Variants in MAML2 observed in about 807,000 individuals in gnomAD.
The protein encoded by MAML2 is mastermind-like protein 2.
In MAML2, 22 loss-of-function variants were observed where a neutral mutation model predicts 96.1. That is an observed-to-expected ratio of 0.23 (90% CI 0.16 to 0.33). The LOEUF (loss-of-function observed/expected upper bound fraction) is 0.33. MAML2 is among the 10% of genes least tolerant of loss of function. The probability of loss-of-function intolerance (pLI) is 1.00; values close to 1 mark genes in which losing one functional copy is unlikely to be tolerated. For missense variants in MAML2, 1,367 were observed against 1,392.4 expected (o/e 0.98, Z 0.29); for synonymous variants, 561 against 521.3 (o/e 1.08, Z -1.04).
At chr11:96,124,052 G>C (rs1027488578) in intron 1 of MAML2, among the ~76,000 whole-genome samples, 18 of 132,864 alleles carry the variant, frequency 1.4e-4, no homozygotes, top group African/African-American at 4.6e-4. Flanking sequence ...CCTGGGCAAC[G>C]AGCAACGAGC....
chr11:96,332,014 C>T (rs1268618029), intron 1 of MAML2, among the ~76,000 whole-genome samples: 1 of 152,156 alleles, frequency 6.6e-6, no homozygotes, highest in East Asian at 1.9e-4. Context: ...TGTTTTGCAA[C>T]TCACTCTCTT....
chr11:96,302,242 ACTGACTTT>A (rs1388697969), intron 1 of MAML2, among the ~76,000 whole-genome samples: 1 of 150,014 alleles, frequency 6.7e-6, no homozygotes, highest in African/African-American at 2.5e-5. Flanking sequence ...CTCTATCCAT[ACTGACTTT>A]CTAAGACACA....
At chr11:96,215,532 C>T (rs764662849) in intron 1 of MAML2, among the ~76,000 whole-genome samples, 8 of 152,170 alleles carry the variant, frequency 5.3e-5, no homozygotes, top group Non-Finnish European at 1.2e-4. Flanking sequence ...TTGTTGTCCC[C>T]TCTTTGGGGC....
rs1199924037 is a variant in MAML2, at chr11:96,092,237, CTGCTGCTGCTGCTGTTGCTGCTGT to C, written c.1770_1793del (p.Gln614_Gln621del). 2 of 1,531,152 alleles carry C rather than the reference CTGCTGCTGCTGCTGTTGCTGCTGT, an allele frequency of 1.3e-6. No individual in the cohort carries two copies. The highest frequency in any genetic ancestry group is 2.5e-5 in the East Asian group (1 of 40,744). 94.8% of individuals were successfully genotyped at this position (1,531,152 alleles called of 1,614,324 possible). On this transcript the variant is annotated inframe_deletion, in exon 2 of 5. Coordinates refer to ENST00000524717, the MANE Select transcript of MAML2 (RefSeq NM_032427.4). The surrounding 1 kb of genome is among the most constrained non-coding windows in gnomAD (Gnocchi z 4.1). ...GCTGCTGCTGCTGCTGCTGCTGCTG[CTGCTGCTGCTGCTGTTGCTGCTGT>C]TGCTGTTGGGTGTAGTGTAGGAGAG...
rs771462313 is a variant in MAML2, at chr11:96,341,693, C to A, written c.203G>T (p.Arg68Leu). ...GAGCTGCAAGGTGCTTTCTCTTTCCCGGTCTGAGCTCTCGGCCCTACCTCG... is the reference window on the plus strand; with the variant it reads ...GAGCTGCAAGGTGCTTTCTCTTTCCAGGTCTGAGCTCTCGGCCCTACCTCG... ...YERGRAESSD[R>L]ERESTLQLLS... Residue 68 changes from arginine (R) to leucine (L), a missense_variant, in exon 1 of 5, where the codon CGG becomes CTG. Physicochemically the swap from Arg to Leu is moderately radical, Grantham distance 102. Coordinates refer to ENST00000524717, the MANE Select transcript of MAML2 (RefSeq NM_032427.4). 1 of 1,605,360 alleles carries A rather than the reference C, an allele frequency of 6.2e-7. No individual in the cohort carries two copies. Among genetic ancestry groups the A allele is most frequent in the Non-Finnish European group, 8.5e-7 (1 of 1,175,858 alleles).
chr11:96,137,523 T>C (rs1296042445), intron 1 of MAML2, among the ~76,000 whole-genome samples: 1 of 152,262 alleles, frequency 6.6e-6, no homozygotes, highest in Non-Finnish European at 1.5e-5. Flanking sequence ...ACACATGTAC[T>C]GGGAGCCAGA....
intron 1 of MAML2, among the ~76,000 whole-genome samples, chr11:96,235,607 G>T (rs1341635736): frequency 2.0e-5 from 3 of 152,144 alleles, no homozygotes; most frequent in Non-Finnish European, 4.4e-5. Flanking sequence ...AGGAGGGCTG[G>T]CCCTGGTGAT....
At chr11:96,094,455 A>G (rs1591010039) in intron 1 of MAML2, among the ~76,000 whole-genome samples, 1 of 152,334 alleles carries the variant, frequency 6.6e-6, no homozygotes, top group East Asian at 1.9e-4. Flanking sequence ...TGTTACAGTA[A>G]CAACTCAATA....
intron 1 of MAML2, among the ~76,000 whole-genome samples, chr11:96,137,645 C>A (rs956560343): frequency 1.3e-5 from 2 of 152,144 alleles, no homozygotes; most frequent in Non-Finnish European, 2.9e-5. Flanking sequence ...CATTCAGTCT[C>A]CATTTTAATA....
At chr11:96,311,670 C>T (rs1432075069) in intron 1 of MAML2, among the ~76,000 whole-genome samples, 1 of 152,190 alleles carries the variant, frequency 6.6e-6, no homozygotes, top group African/African-American at 2.4e-5. Flanking sequence ...CCAAGTTATA[C>T]ACAGCTTACT....
intron 1 of MAML2, among the ~76,000 whole-genome samples, chr11:96,274,176 G>A (rs567688227): frequency 1.0e-4 from 15 of 150,560 alleles, no homozygotes; most frequent in Admixed American, 7.9e-4. Flanking sequence ...TCCGCCTCGC[G>A]GGTTCACGCC....
intron 1 of MAML2, among the ~76,000 whole-genome samples, chr11:96,160,232 G>A (rs920556361): frequency 6.6e-6 from 1 of 152,158 alleles, no homozygotes; most frequent in Non-Finnish European, 1.5e-5. Context: ...AAGAGCCCCT[G>A]ATCCTTTATT....
intron 1 of MAML2, among the ~76,000 whole-genome samples, chr11:96,232,545 C>G (rs1025553692): frequency 1.3e-5 from 2 of 152,082 alleles, no homozygotes; most frequent in East Asian, 3.9e-4. Flanking sequence ...TCTCGGCTCA[C>G]TGCAAGCTCC....
At position 96,030,226 on chromosome 11, in the gene MAML2, A is replaced by G. The variant is rs554173244; in HGVS notation, c.2140-38503T>C. 4.0e-5 allele frequency among the ~76,000 whole-genome samples: 6 copies of G among 151,446 alleles called. No individual in the cohort carries two copies. In the South Asian group the frequency reaches 1.3e-3, roughly 32 times the overall value. On this transcript the variant is annotated intron_variant, in intron 2 of 4. Coordinates refer to ENST00000524717, the MANE Select transcript of MAML2 (RefSeq NM_032427.4). Reference sequence around the variant, plus strand: ...ACTCCAGCCTGGGCAACAGAGTGAGACTCCATAAAAAAAAAAAAATCATAT... The same window carrying G: ...ACTCCAGCCTGGGCAACAGAGTGAGGCTCCATAAAAAAAAAAAAATCATAT...
intron 1 of MAML2, among the ~76,000 whole-genome samples, chr11:96,106,680 T>C (rs989419953): frequency 1.3e-5 from 2 of 152,244 alleles, no homozygotes; most frequent in Admixed American, 6.5e-5. Context: ...TTGAAAATAT[T>C]ACTGCTGTTT....
At chr11:96,237,699 C>T (rs1591088912) in intron 1 of MAML2, among the ~76,000 whole-genome samples, 1 of 152,186 alleles carries the variant, frequency 6.6e-6, no homozygotes, top group South Asian at 2.1e-4. Flanking sequence ...ATGTAATTGT[C>T]GTGTATTGAA....
intron 1 of MAML2, among the ~76,000 whole-genome samples, chr11:96,103,542 C>A (rs2135824107): frequency 6.6e-6 from 1 of 152,244 alleles, no homozygotes; most frequent in South Asian, 2.1e-4. Flanking sequence ...ACTTGGCTAC[C>A]AAAAAGGTCC....
rs1246736072 is a variant in MAML2, at chr11:95,978,949, T to C, written c.3470A>G (p.Ter1157=). The C allele has an allele frequency of 3.1e-6, 5 of 1,601,800 alleles. No homozygotes were observed. The highest frequency in any genetic ancestry group is 2.2e-5 in the South Asian group (2 of 88,982). Residue 1157 remains the stop codon, a stop_retained_variant, in exon 5 of 5, where the codon TAA becomes TGA. Coordinates refer to ENST00000524717, the MANE Select transcript of MAML2 (RefSeq NM_032427.4). ...NLDEILGNNS[*] is the part of the protein sequence containing the mutation. ...TGTAAATTGTCTTCCCTTTCTTCTT[T>C]AGGAATTGTTCCCCAAGATTTCATC...
chr11:95,985,705 T>C (rs2135704252), intron 3 of MAML2, 63 bp from the exon 4 acceptor site: 4 of 1,015,988 alleles, frequency 3.9e-6, no homozygotes, highest in South Asian at 1.6e-5. Context: ...TGAAAATACA[T>C]GTAAAATTTT....
Sources: gnomAD v4.1 joint callset for allele counts (sites outside exome capture counted in the v4.1 genomes callset) on GRCh38, gnomAD v4.1.1 for gene constraint, Gnocchi (gnomAD v3.1) non-coding constraint, MANE v1.5 for transcripts, NCBI Gene and HGNC (gene_info 2026-07-23, HGNC 2026-07-21) for gene names.